The following SYNE1 variants were observed in gnomAD, a reference collection of about 807,000 sequenced individuals.
SYNE1 encodes the protein nesprin-1.
Under a neutral mutation model 1,111.0 loss-of-function variants are expected in SYNE1, and 616 were observed. The ratio of observed to expected loss-of-function variants is 0.55; its 90% confidence interval spans 0.52 to 0.59. The LOEUF is 0.59. SYNE1 is among the 20% of genes least tolerant of loss of function. The pLI is 0.00. For synonymous variants in SYNE1, 3,855 were observed against 3,825.8 expected (o/e 1.01, Z -0.28); for missense variants, 10,006 against 10,417.0 (o/e 0.96, Z 1.72).
chr6:152,587,158 CAGAT>C (rs36018319), intron 3 of SYNE1, among the ~76,000 whole-genome samples: 35,458 of 151,910 alleles, frequency 0.23, 4,215 homozygotes, highest in Middle Eastern at 0.34. Context: ...TATTATTTGA[CAGAT>C]AGAGATACTC....
At chr6:152,400,306 T>G (rs2097793196) in intron 47 of SYNE1, among the ~76,000 whole-genome samples, 1 of 152,070 alleles carries the variant, frequency 6.6e-6, no homozygotes, top group Admixed American at 6.5e-5. Flanking sequence ...TGTTGAAAAG[T>G]CAACTCAGTG....
At position 152,347,130 on chromosome 6, in the gene SYNE1, T is replaced by C. The variant is rs772000149; in HGVS notation, c.12007A>G (p.Lys4003Glu). The C allele has an allele frequency of 8.7e-6, 14 of 1,614,090 alleles. No individual in the cohort carries two copies. The African/African-American group carries it at 1.2e-4, about 14-fold the overall frequency. Residue 4003 changes from lysine to glutamate, a missense_variant, in exon 73 of 146, where the codon AAA (lysine) becomes GAA (glutamate). Lys to Glu is a moderately conservative substitution (Grantham distance 56). Around this residue, in one of 7 missense-constraint regions of SYNE1, gnomAD observed 4,955 missense variants for 5,017.2 expected, o/e 0.99. Coordinates refer to ENST00000367255, the MANE Select transcript of SYNE1 (RefSeq NM_182961.4). ...TGCAGATGAGCATGCACGTTTTGTT[T>C]AAGTTTCGCTTGCAGGTGGTCTGCA... ...QCADHLQAKL[K>E]QNVHAHLQGT...
chr6:152,581,300 C>CAA (rs1233482331), intron 3 of SYNE1, among the ~76,000 whole-genome samples: 1 of 152,170 alleles, frequency 6.6e-6, no homozygotes, highest in Non-Finnish European at 1.5e-5. Flanking sequence ...GAGGGCTTCT[C>CAA]CATCAGCCAC....
chr6:152,580,010 A>G (rs1302876925), intron 3 of SYNE1, among the ~76,000 whole-genome samples: 3 of 151,960 alleles, frequency 2.0e-5, no homozygotes, highest in Non-Finnish European at 4.4e-5. Flanking sequence ...AACAATTTAT[A>G]TTCATTTGGG....
intron 6 of SYNE1, among the ~76,000 whole-genome samples, chr6:152,514,993 G>C (rs563284283): frequency 6.6e-6 from 1 of 152,114 alleles, no homozygotes; most frequent in Admixed American, 6.5e-5. Flanking sequence ...AGGCCAAGGC[G>C]GGCAGATAGC....
chr6:152,575,134 C>T (rs2128348385), intron 3 of SYNE1, among the ~76,000 whole-genome samples: 1 of 152,286 alleles, frequency 6.6e-6, no homozygotes. Context: ...TTTTCTCTAA[C>T]TCCGGTGGTA....
intron 11 of SYNE1, among the ~76,000 whole-genome samples, chr6:152,496,523 C>T (rs1283225103): frequency 6.6e-6 from 1 of 152,128 alleles, no homozygotes; most frequent in Non-Finnish European, 1.5e-5. Flanking sequence ...AAAACCACAT[C>T]CAGGCCATCA....
chr6:152,380,882 A>G, intron 56 of SYNE1, 124 bp downstream of exon 56: 1 of 919,004 alleles, frequency 1.1e-6, no homozygotes, highest in Non-Finnish European at 1.8e-6. Context: ...TAATGAGATA[A>G]ATACTTCTTC....
At chr6:152,573,269 T>C (rs1337389673) in intron 3 of SYNE1, among the ~76,000 whole-genome samples, 1 of 151,714 alleles carries the variant, frequency 6.6e-6, no homozygotes, top group African/African-American at 2.4e-5. Context: ...GCCATGTTGG[T>C]GTGCTGCACC....
chr6:152,361,248 T>G (rs1472513995), intron 64 of SYNE1, among the ~76,000 whole-genome samples: 1 of 152,148 alleles, frequency 6.6e-6, no homozygotes, highest in Non-Finnish European at 1.5e-5. Context: ...GCTGGGAGCA[T>G]GAAGGAAAGG....
intron 93 of SYNE1, among the ~76,000 whole-genome samples, chr6:152,296,123 C>A (rs1472649823): frequency 6.6e-6 from 1 of 152,232 alleles, no homozygotes; most frequent in Non-Finnish European, 1.5e-5. Flanking sequence ...CTGATGACTG[C>A]AGAGCTTGCT....
At position 152,254,868 on chromosome 6, in the gene SYNE1, T is replaced by G; in HGVS notation, c.19470+12A>C. Reference sequence around the variant, plus strand: ...AGAATGGTCACGTATCCTTTGATAATATCTTACTTACCTGGAAATTTAGTA... The same window carrying G: ...AGAATGGTCACGTATCCTTTGATAAGATCTTACTTACCTGGAAATTTAGTA... On this transcript the variant is annotated intron_variant, in intron 104 of 145. Coordinates refer to ENST00000367255, the MANE Select transcript of SYNE1 (RefSeq NM_182961.4). The G allele has an allele frequency of 1.2e-6, 2 of 1,610,262 alleles. No homozygotes were observed. The highest frequency in any genetic ancestry group is 1.7e-6 in the Non-Finnish European group (2 of 1,177,466).
rs984250911 is a variant in SYNE1, at chr6:152,141,730, A to G, written c.25120-401T>C. ...TAATTGTGTTACTGCACTCCAGCCT[A>G]TGCGACAGAGTGAGACCCAGTCTCA... On this transcript the variant is annotated intron_variant, in intron 138 of 145. Transcript: ENST00000367255. 1.2e-4 allele frequency among the ~76,000 whole-genome samples: 19 copies of G among 152,198 alleles called. No individual in the cohort carries two copies. The South Asian group carries it at 3.9e-3, about 32-fold the overall frequency.
chr6:152,535,866 G>A (rs2099232817), intron 4 of SYNE1, among the ~76,000 whole-genome samples: 1 of 152,118 alleles, frequency 6.6e-6, no homozygotes, highest in African/African-American at 2.4e-5. Context: ...ATTTTAAAAT[G>A]TGAAAGAACT....
rs147947903 is a variant in SYNE1, at chr6:152,399,697, T to C, written c.7156A>G (p.Ile2386Val). 1,460 of 1,614,172 alleles carry C rather than the reference T, an allele frequency of 9.0e-4. 3 individuals carry two copies. The highest frequency in any genetic ancestry group is 8.5e-4 in the Non-Finnish European group (1,004 of 1,180,020). ...TGGCTCACGGCTTCATGTTTCTTTA[T>C]CAGACCAGTCATTGCACGGCCCAGG... The part of the protein sequence containing the change: ...ESLGRAMTGL[I>V]KKHEAVSQLC... The change falls in exon 48 of 146, where the codon ATA becomes GTA. Residue 2386 changes from isoleucine to valine, a missense_variant. Transcript: ENST00000367255.
Position 152,369,553 on chromosome 6 carries a change from C to T in SYNE1, c.9569G>A (p.Ser3190Asn), listed in dbSNP as rs914258507. 3 of 1,614,178 alleles carry T rather than the reference C, an allele frequency of 1.9e-6. No individual in the cohort carries two copies. Among genetic ancestry groups the T allele is most frequent in the Middle Eastern group, 1.6e-4 (1 of 6,062 alleles). ...VSAEPIQDWL[S>N]KTEKMVHESS... is the part of the protein sequence containing the mutation. ...TTCATGGACCATCTTCTCAGTTTTA[C>T]TCAGCCAGTCCTGGATAGGCTCAGC... Residue 3190 changes from serine to asparagine, a missense_variant, in exon 60 of 146, where the codon AGT becomes AAT. Around this residue, in one of 7 missense-constraint regions of SYNE1, gnomAD observed 4,955 missense variants for 5,017.2 expected, o/e 0.99. Coordinates refer to ENST00000367255, the MANE Select transcript of SYNE1 (RefSeq NM_182961.4).
Position 152,425,238 on chromosome 6 carries a change from A to G in SYNE1, c.5267+143T>C, listed in dbSNP as rs2098334279. ...CAGTTTTGTGGACCTTGATTTTCAA[A>G]ATAAAAGTTTTCTTCCCTTCTGTAG... On this transcript the variant is annotated intron_variant, in intron 39 of 145. Coordinates refer to ENST00000367255, the MANE Select transcript of SYNE1 (RefSeq NM_182961.4). 8 of 856,290 alleles carry G rather than the reference A, an allele frequency of 9.3e-6. No individual in the cohort carries two copies. The Admixed American group carries it at 2.3e-4, about 25-fold the overall frequency. 53.0% of individuals were successfully genotyped at this position (856,290 alleles called of 1,614,324 possible). A position where few individuals can be genotyped will look rare whatever the true frequency, so the allele number is the denominator to read the frequency against.
chr6:152,341,367 G>A (rs953963915), intron 74 of SYNE1, among the ~76,000 whole-genome samples: 3 of 152,176 alleles, frequency 2.0e-5, no homozygotes, highest in African/African-American at 4.8e-5. Context: ...ATCTGATTCC[G>A]AAAGCACTGG....
chr6:152,267,960 A>G (rs2092859186), intron 100 of SYNE1, 96 bp downstream of exon 100: 1 of 1,093,080 alleles, frequency 9.1e-7, no homozygotes. Flanking sequence ...AATTTTGCAG[A>G]AGATGTTTAA....
Sources: allele counts gnomAD v4.1 joint callset (sites outside exome capture counted in the v4.1 genomes callset), GRCh38; gene constraint gnomAD v4.1.1; regional missense constraint gnomAD v4.1.1; transcripts MANE v1.5; gene names NCBI Gene and HGNC (gene_info 2026-07-23, HGNC 2026-07-21).